Variants in MYO18A observed in about 807,000 individuals in gnomAD.
MYO18A encodes the protein myosin XVIIIA.
A neutral mutation model predicts 235.8 loss-of-function variants in MYO18A; 78 were observed. The observed-to-expected ratio is 0.33, with a 90% CI of 0.28 to 0.40. The LOEUF is 0.40. MYO18A is among the 10% of genes least tolerant of loss of function. The pLI is 1.00. For synonymous variants in MYO18A, 977 were observed against 1,077.8 expected, an observed-to-expected ratio of 0.91 and a Z score of 1.83; for missense variants, 2,215 against 2,699.3, an observed-to-expected ratio of 0.82 and a Z score of 3.98.
intron 2 of MYO18A, among the ~76,000 whole-genome samples, chr17:29,130,800 G>A (rs1317736486): frequency 1.3e-5 from 2 of 152,182 alleles, no homozygotes; most frequent in South Asian, 2.1e-4. Context: ...GGAGAGTCCA[G>A]GTTTATTCAG....
intron 15 of MYO18A, among the ~76,000 whole-genome samples, chr17:29,113,094 A>T (rs982936337): frequency 6.6e-6 from 1 of 152,170 alleles, no homozygotes; most frequent in Non-Finnish European, 1.5e-5. Flanking sequence ...GGGAACCACA[A>T]CGGTTCTGAG....
chr17:29,163,187 G>C (rs1403623285), intron 2 of MYO18A, among the ~76,000 whole-genome samples: 1 of 152,214 alleles, frequency 6.6e-6, no homozygotes, highest in Non-Finnish European at 1.5e-5. Flanking sequence ...TTCTCTTGGC[G>C]CATAACTGGG....
intron 2 of MYO18A, chr17:29,134,015 G>C (rs1210050433): frequency 2.7e-6 from 1 of 373,536 alleles, no homozygotes; most frequent in African/African-American, 2.1e-5. Flanking sequence ...ATTGGAGTAA[G>C]GAATAAAATA....
Position 29,121,431 on chromosome 17 carries a change from C to T in MYO18A, c.1371+116G>A, listed in dbSNP as rs934080838. The T allele has an allele frequency of 1.1e-5, 13 of 1,236,958 alleles. No homozygotes were observed. In the African/African-American group the frequency reaches 1.8e-4, roughly 17 times the overall value. 76.6% of individuals were successfully genotyped at this position (1,236,958 alleles called of 1,614,324 possible). ...CCATCTCTTGAAATGACTCCTCTTC[C>T]CAAGGTCAACTGTGAGAGTGGACAG... On this transcript the variant is annotated intron_variant, in intron 5 of 41. Coordinates refer to ENST00000527372, the MANE Select transcript of MYO18A (RefSeq NM_078471.4). The surrounding 1 kb of genome is among the most constrained non-coding windows in gnomAD (Gnocchi z 4.2).
intron 39 of MYO18A, 116 bp downstream of exon 39, chr17:29,086,322 G>A: frequency 8.4e-7 from 1 of 1,183,816 alleles, no homozygotes; most frequent in Non-Finnish European, 1.2e-6. Flanking sequence ...AGGGTGGGTT[G>A]GCGGCTTGCT....
rs377730157 is a variant in MYO18A, at chr17:29,110,872, T to A, written c.2901-250A>T. Among the ~76,000 whole-genome samples the A allele has an allele frequency of 2.4e-3, 370 of 152,308 alleles. 4 individuals carry two copies. The South Asian group carries it at 0.026, about 11-fold the overall frequency. The stretch of plus-strand genomic sequence containing the variant: ...ACAGGAATCGGACAGAGGGGATCAA[T>A]CTACTCATCTACTTCCCCTCACCAG... On this transcript the variant is annotated intron_variant, in intron 17 of 41. Transcript: ENST00000527372.
At position 29,086,536 on chromosome 17, in the gene MYO18A, C is replaced by A. The variant is rs185018719; in HGVS notation, c.5754G>T (p.Leu1918=). 5,973 of 1,613,072 alleles carry A rather than the reference C, an allele frequency of 3.7e-3. 23 individuals carry two copies. The highest frequency in any genetic ancestry group is 4.7e-3 in the Non-Finnish European group (5,539 of 1,179,550). Residue 1918 remains leucine, a synonymous_variant, in exon 39 of 42, where the codon CTG becomes CTT. Transcript: ENST00000527372. ...LESLEAANQS[L]QADLKLAFKR... ...TGAATGCCAACTTTAGGTCAGCCTG[C>A]AGGCTCTGGTTAGCAGCCTCCAGGC...
chr17:29,099,876 T>C, intron 21 of MYO18A, 114 bp from the exon 22 acceptor site: 2 of 1,407,406 alleles, frequency 1.4e-6, no homozygotes, highest in Non-Finnish European at 1.9e-6. Flanking sequence ...GCCCTTGGCT[T>C]GGGAAGAGCC....
intron 21 of MYO18A, among the ~76,000 whole-genome samples, chr17:29,101,223 C>A (rs1275396141): frequency 6.6e-6 from 1 of 151,894 alleles, no homozygotes; most frequent in Non-Finnish European, 1.5e-5. Flanking sequence ...GTCTTGAACT[C>A]CTGGCATCAA....
At chr17:29,156,495 G>A (rs2068069384) in intron 2 of MYO18A, among the ~76,000 whole-genome samples, 1 of 152,132 alleles carries the variant, frequency 6.6e-6, no homozygotes, top group Non-Finnish European at 1.5e-5. Flanking sequence ...GTCCATGGGT[G>A]GAGATGGGAC....
chr17:29,097,006 C>T, intron 27 of MYO18A, 91 bp from the exon 28 acceptor site: 2 of 1,435,194 alleles, frequency 1.4e-6, no homozygotes, highest in Non-Finnish European at 1.8e-6. Context: ...GAGGGGAAGA[C>T]CCAGGGATGC....
chr17:29,165,912 C>A, intron 2 of MYO18A, 30 bp downstream of exon 2: 1 of 1,591,744 alleles, frequency 6.3e-7, no homozygotes, highest in Non-Finnish European at 8.6e-7. Context: ...CCCATCCCTG[C>A]TTAGCCCAGG....
Position 29,120,617 on chromosome 17 carries a change from T to C in MYO18A, c.1727A>G (p.Gln576Arg). ...CCGAGTCCTGGGCAGCACTCTCACC[T>C]GAATGGAGGCTGAGGCCACCTGGCC... ...QAGQVASASI[Q>R]TMLLEKLRVA... Residue 576 changes from glutamine (Q) to arginine (R), a missense_variant and splice_region_variant, in exon 7 of 42, where the codon CAG becomes CGG. Physicochemically the swap from Gln to Arg is conservative, Grantham distance 43 (BLOSUM62 1). Coordinates refer to ENST00000527372, the MANE Select transcript of MYO18A (RefSeq NM_078471.4). The surrounding 1 kb of genome is among the most constrained non-coding windows in gnomAD (Gnocchi z 4.2). The C allele has an allele frequency of 6.2e-7, 1 of 1,613,328 alleles. No individual in the cohort carries two copies. The highest frequency in any genetic ancestry group is 2.2e-5 in the East Asian group (1 of 44,886).
Position 29,106,364 on chromosome 17 carries a change from G to A in MYO18A, c.3441+716C>T, listed in dbSNP as rs1266114259. 6.6e-6 allele frequency among the ~76,000 whole-genome samples: 1 copy of A among 152,186 alleles called. No individual in the cohort carries two copies. Among genetic ancestry groups the A allele is most frequent in the Non-Finnish European group, 1.5e-5 (1 of 68,038 alleles). ...CAGGTCTTTAAGGCAGGGGTGGAGG[G>A]GCAGGGGGGCACACACAGAGGCAGG... is the stretch of plus-strand genomic sequence containing the variant. On this transcript the variant is annotated intron_variant, in intron 20 of 41. Transcript: ENST00000527372. This position sits in a 1 kb window ranked among gnomAD's most constrained non-coding sequence, Gnocchi z 4.6.
At chr17:29,173,392 C>CT (rs759650091) in intron 1 of MYO18A, among the ~76,000 whole-genome samples, 10,376 of 131,516 alleles carry the variant, frequency 0.079, 609 homozygotes, top group African/African-American at 0.16. Context: ...GCGCCCGGCC[C>CT]TTTTTTTTTT....
At chr17:29,087,453 G>GA (rs1262065577) in intron 37 of MYO18A, among the ~76,000 whole-genome samples, 6 of 152,182 alleles carry the variant, frequency 3.9e-5, no homozygotes, top group Non-Finnish European at 8.8e-5. Context: ...TATTGACACT[G>GA]CATGTAGAGT....
chr17:29,131,232 C>A (rs892881178), intron 2 of MYO18A, among the ~76,000 whole-genome samples: 4 of 152,202 alleles, frequency 2.6e-5, no homozygotes, highest in Non-Finnish European at 5.9e-5. Flanking sequence ...CCCCTGCAAT[C>A]CCCACCTACT....
At chr17:29,171,546 T>A (rs1393308470) in intron 1 of MYO18A, among the ~76,000 whole-genome samples, 6 of 152,186 alleles carry the variant, frequency 3.9e-5, no homozygotes. Flanking sequence ...TTAAAGTATT[T>A]GGGGCGAAAT....
chr17:29,110,591 C>T lies in MYO18A; in HGVS notation c.2932G>A (p.Ala978Thr), dbSNP rs761772888. Residue 978 changes from alanine to threonine, a missense_variant, in exon 18 of 42, where the codon GCA becomes ACA. Coordinates refer to ENST00000527372, the MANE Select transcript of MYO18A (RefSeq NM_078471.4). ...KIISNLFLGRAGSATVLSGSI... is the reference protein window; with the variant it reads ...KIISNLFLGRTGSATVLSGSI... ...CCAGAGAGCACCGTGGCACTGCCTG[C>T]GCGGCCCAGAAACAGGTTGCTGATG... The T allele has an allele frequency of 7.5e-6, 12 of 1,608,790 alleles. No individual in the cohort carries two copies. Among genetic ancestry groups the T allele is most frequent in the South Asian group, 6.6e-5 (6 of 90,652 alleles).
Sources: allele counts gnomAD v4.1 joint callset (sites outside exome capture counted in the v4.1 genomes callset), GRCh38; gene constraint gnomAD v4.1.1; non-coding constraint Gnocchi (gnomAD v3.1); transcripts MANE v1.5; gene names NCBI Gene and HGNC (gene_info 2026-07-23, HGNC 2026-07-21).